Variants in UNC5B observed in about 807,000 individuals in gnomAD.
UNC5B encodes the protein netrin receptor UNC5B.
In UNC5B, 56 loss-of-function variants were observed where a neutral mutation model predicts 103.7. That is an observed-to-expected ratio of 0.54 (90% CI 0.44 to 0.67). The LOEUF is 0.67. UNC5B is among the 30% of genes least tolerant of loss of function. The pLI is 0.00. For missense variants in UNC5B, 1,194 were observed against 1,284.5 expected (o/e 0.93, Z 1.08); for synonymous variants, 577 against 542.0 (o/e 1.06, Z -0.90).
At chr10:71,235,229 G>C (rs993435855) in intron 1 of UNC5B, among the ~76,000 whole-genome samples, 5 of 152,188 alleles carry the variant, frequency 3.3e-5, no homozygotes, top group Non-Finnish European at 7.3e-5. Context: ...CCCCTCGCTA[G>C]GGGAGCCACC....
chr10:71,289,955 GC>G (rs1845203014), intron 8 of UNC5B, among the ~76,000 whole-genome samples: 1 of 152,206 alleles, frequency 6.6e-6, no homozygotes, highest in Admixed American at 6.5e-5. Context: ...TTCTCTGAGG[GC>G]CCCCCAGGGA....
intron 13 of UNC5B, 26 bp from the exon 14 acceptor site, chr10:71,295,785 C>G (rs372710225): frequency 2.5e-6 from 4 of 1,606,160 alleles, no homozygotes; most frequent in Non-Finnish European, 3.4e-6. Context: ...TGATGGGTTC[C>G]CCTTCCCCAT....
intron 1 of UNC5B, among the ~76,000 whole-genome samples, chr10:71,268,224 C>T (rs772575735): frequency 2.0e-5 from 3 of 152,278 alleles, no homozygotes; most frequent in Non-Finnish European, 4.4e-5. Flanking sequence ...CTTTCTCCCT[C>T]TCCTCGTGGC....
At chr10:71,244,186 C>A (rs543952631) in intron 1 of UNC5B, among the ~76,000 whole-genome samples, 1 of 152,370 alleles carries the variant, frequency 6.6e-6, no homozygotes, top group African/African-American at 2.4e-5. Context: ...CTGCACAACA[C>A]GCCCACAACA....
In UNC5B at chr10:71,213,084, G is replaced by T. The variant is rs774651749; in HGVS notation, c.79+20G>T. On this transcript the variant is annotated intron_variant, in intron 1 of 16. Coordinates refer to ENST00000335350, the MANE Select transcript of UNC5B (RefSeq NM_170744.5). The surrounding 1 kb of genome is among the most constrained non-coding windows in gnomAD (Gnocchi z 4.1). ...AAGCAGGTAGGAAGCGATCGGGTCT[G>T]GGGGCGCGGGGCTAGGGGACCCTTG... 4 of 1,316,288 alleles carry T rather than the reference G, an allele frequency of 3.0e-6. No individual in the cohort carries two copies. Among genetic ancestry groups the T allele is most frequent in the East Asian group, 2.9e-5 (1 of 34,416 alleles). 81.5% of individuals were successfully genotyped at this position (1,316,288 alleles called of 1,614,324 possible). A position where few individuals can be genotyped will look rare whatever the true frequency, so the allele number is the denominator to read the frequency against.
chr10:71,242,692 C>T (rs1193440836), intron 1 of UNC5B, among the ~76,000 whole-genome samples: 8 of 152,244 alleles, frequency 5.3e-5, no homozygotes, highest in Non-Finnish European at 7.3e-5. Context: ...CAGGAGTGCC[C>T]AGTGCCCTCT....
chr10:71,287,206 C>A (rs1589195399), intron 5 of UNC5B, among the ~76,000 whole-genome samples: 1 of 152,200 alleles, frequency 6.6e-6, no homozygotes, highest in South Asian at 2.1e-4. Flanking sequence ...TCTGCTGCCC[C>A]CTTGGGCCCT....
chr10:71,215,385 GCT>G (rs1182752454), intron 1 of UNC5B, among the ~76,000 whole-genome samples: 2 of 152,232 alleles, frequency 1.3e-5, no homozygotes, highest in South Asian at 2.1e-4. Flanking sequence ...GGCAGGCGAG[GCT>G]CTCTCTGCAA....
In UNC5B at chr10:71,213,047, C is replaced by T. The variant is rs369198319; in HGVS notation, c.62C>T (p.Pro21Leu). ...LLLALLLCWD[P>L]RLSQAGTDSG... Reference sequence around the variant, plus strand: ...CTGGCACTGCTGCTCTGCTGGGACCCGAGGCTGAGCCAAGCAGGTAGGAAG... The same window carrying T: ...CTGGCACTGCTGCTCTGCTGGGACCTGAGGCTGAGCCAAGCAGGTAGGAAG... The change falls in exon 1 of 17, where the codon CCG becomes CTG. Residue 21 changes from proline to leucine, a missense_variant. Transcript: ENST00000335350. This position sits in a 1 kb window ranked among gnomAD's most constrained non-coding sequence, Gnocchi z 4.1. The T allele has an allele frequency of 9.0e-5, 126 of 1,406,290 alleles. No homozygotes were observed. The highest frequency in any genetic ancestry group is 1.2e-4 in the Non-Finnish European group (125 of 1,073,624). The allele number at this position is 1,406,290 out of a possible 1,614,324, so 87.1% of individuals were successfully genotyped here. A position where few individuals can be genotyped will look rare whatever the true frequency, so the allele number is the denominator to read the frequency against.
At chr10:71,246,300 G>A (rs1436981990) in intron 1 of UNC5B, among the ~76,000 whole-genome samples, 1 of 152,182 alleles carries the variant, frequency 6.6e-6, no homozygotes. Context: ...GAAAGGCGGA[G>A]GACCCCAAGG....
At chr10:71,237,037 T>G (rs5025364) in intron 1 of UNC5B, among the ~76,000 whole-genome samples, 59,639 of 151,304 alleles carry the variant, frequency 0.39, 12,083 homozygotes, top group East Asian at 0.53. Flanking sequence ...GGCTCCAGGG[T>G]ATTCAGAGGT....
chr10:71,287,852 C>T, intron 6 of UNC5B, 87 bp downstream of exon 6: 2 of 1,512,634 alleles, frequency 1.3e-6, no homozygotes, highest in Non-Finnish European at 1.8e-6. Flanking sequence ...GCCATTCTCT[C>T]CCCAGCATGG....
chr10:71,246,762 A>T (rs1489491589), intron 1 of UNC5B, among the ~76,000 whole-genome samples: 6 of 152,184 alleles, frequency 3.9e-5, no homozygotes, highest in African/African-American at 1.4e-4. Flanking sequence ...TTTGAAGGAG[A>T]TAAAGCTGAG....
At chr10:71,286,104 G>A (rs925530042) in intron 4 of UNC5B, among the ~76,000 whole-genome samples, 32 of 152,202 alleles carry the variant, frequency 2.1e-4, no homozygotes, top group African/African-American at 7.5e-4. Flanking sequence ...CACTTAGCAC[G>A]CTGGTCTCTG....
At chr10:71,238,151 C>CT (rs1843814937) in intron 1 of UNC5B, among the ~76,000 whole-genome samples, 1 of 152,204 alleles carries the variant, frequency 6.6e-6, no homozygotes, top group African/African-American at 2.4e-5. Context: ...GGGAGCCCCC[C>CT]TGCCCTGGGT....
Position 71,279,952 on chromosome 10 carries a change from G to A in UNC5B, c.211G>A (p.Ala71Thr), listed in dbSNP as rs767369791. ...CAAGCCTGTGGAGCTCCGCTGCCGC[G>A]CCTTCCCCGCCACACAGATCTACTT... ...KNKPVELRCR[A>T]FPATQIYFKC... is the part of the protein sequence containing the mutation. Residue 71 changes from alanine to threonine, a missense_variant, in exon 2 of 17, where the codon GCC (alanine) becomes ACC (threonine). Physicochemically the swap from Ala to Thr is moderately conservative, Grantham distance 58. Coordinates refer to ENST00000335350, the MANE Select transcript of UNC5B (RefSeq NM_170744.5). The A allele has an allele frequency of 1.2e-5, 19 of 1,613,864 alleles. No individual in the cohort carries two copies. Among genetic ancestry groups the A allele is most frequent in the African/African-American group, 2.7e-5 (2 of 74,940 alleles).
intron 1 of UNC5B, among the ~76,000 whole-genome samples, chr10:71,273,902 G>A (rs1589184206): frequency 1.3e-5 from 2 of 152,172 alleles, no homozygotes; most frequent in Non-Finnish European, 2.9e-5. Flanking sequence ...TAAATGGGTG[G>A]GTGACATGAG....
chr10:71,212,596 A>G lies in UNC5B; in HGVS notation c.-390A>G, dbSNP rs867207628. ...TTGTGGCAGGCGGCTGGGGCCGGCT[A>G]GGGCGCCGGAGCCGCACGCAGCCGC... On this transcript the variant is annotated 5_prime_UTR_variant, in exon 1 of 17. Transcript: ENST00000335350. 1.0e-2 allele frequency: 1,581 copies of G among 158,500 alleles called. 30 individuals are homozygous for G. The highest frequency in any genetic ancestry group is 0.037 in the African/African-American group (1,527 of 41,732). The allele number at this position is 158,500 out of a possible 1,614,324, so 9.8% of individuals were successfully genotyped here.
At chr10:71,250,767 G>C (rs561957524) in intron 1 of UNC5B, among the ~76,000 whole-genome samples, 32 of 152,228 alleles carry the variant, frequency 2.1e-4, no homozygotes, top group Non-Finnish European at 3.7e-4. Flanking sequence ...CCCCCTCCTA[G>C]CTCCCAGCAC....
Sources: allele counts gnomAD v4.1 joint callset (sites outside exome capture counted in the v4.1 genomes callset), GRCh38; gene constraint gnomAD v4.1.1; non-coding constraint Gnocchi (gnomAD v3.1); transcripts MANE v1.5; gene names NCBI Gene and HGNC (gene_info 2026-07-23, HGNC 2026-07-21).